GREM1: variants seen among roughly 807,000 people sequenced by gnomAD.
GREM1 encodes the protein gremlin 1, DAN family BMP antagonist, also known as gremlin-1.
A neutral mutation model predicts 13.1 loss-of-function variants in GREM1; 6 were observed. That is an observed-to-expected ratio of 0.46 (90% CI 0.25 to 0.91). The LOEUF (loss-of-function observed/expected upper bound fraction) is 0.91. Among genes scored for constraint, GREM1 ranks in the 40% least tolerant of loss-of-function variants. The pLI is 0.18. For synonymous variants in GREM1, 98 were observed against 93.7 expected, an observed-to-expected ratio of 1.05 and a Z score of -0.27; for missense variants, 185 against 233.9, an observed-to-expected ratio of 0.79 and a Z score of 1.36.
At chr15:32,718,487 C>A (rs918211278) in intron 1 of GREM1, 6 of 463,802 alleles carry the variant, frequency 1.3e-5, no homozygotes, top group African/African-American at 2.0e-5. Flanking sequence ...GCCTGGCAGA[C>A]GCGCCCGCTT....
rs1276456326 is a variant in GREM1 at position 32,741,804 on chromosome 15, G to T, written c.*10559G>T. The T allele has an allele frequency of 2.0e-5, 3 of 151,960 alleles. No individual in the cohort carries two copies. Among genetic ancestry groups the T allele is most frequent in the Admixed American group, 1.3e-4 (2 of 15,264 alleles). 9.4% of individuals were successfully genotyped at this position (151,960 alleles called of 1,614,324 possible). On this transcript the variant is annotated 3_prime_UTR_variant, in exon 2 of 2. Transcript: ENST00000651154. The stretch of plus-strand genomic sequence containing the variant: ...ATTATTCGGTATAATGTTAGTTATG[G>T]GTTTTTAAAAATATATATGACCTTT...
At position 32,739,804 on chromosome 15, in the gene GREM1, A is replaced by C. The variant is rs559130028; in HGVS notation, c.*8559A>C. The C allele has an allele frequency of 2.0e-5, 3 of 152,366 alleles. No homozygotes were observed. In the South Asian group the frequency reaches 6.2e-4, roughly 32 times the overall value. The allele number at this position is 152,366 out of a possible 1,614,324, so 9.4% of individuals were successfully genotyped here. On this transcript the variant is annotated 3_prime_UTR_variant, in exon 2 of 2. Coordinates refer to ENST00000651154, the MANE Select transcript of GREM1 (RefSeq NM_013372.7). ...CCCAGCACAGTGCCATGTAGTCAGC[A>C]AGAGACTCCCTAGCACTCAGTTTCT...
intron 1 of GREM1, chr15:32,718,435 C>T (rs1022397335): frequency 2.1e-6 from 1 of 474,576 alleles, no homozygotes; most frequent in South Asian, 1.5e-5. Context: ...TTTCCACCTC[C>T]CGGAGGCCCC....
In GREM1 at chr15:32,730,855, C is replaced by G. The variant is rs764380818; in HGVS notation, c.165C>G (p.Ser55=). 5 of 1,613,632 alleles carry G rather than the reference C, an allele frequency of 3.1e-6. No homozygotes were observed. The highest frequency in any genetic ancestry group is 1.6e-4 in the Middle Eastern group (1 of 6,062). Residue 55 remains serine (S), a synonymous_variant, in exon 2 of 2, where the codon TCC becomes TCG. Transcript: ENST00000651154. The stretch of plus-strand genomic sequence containing the variant: ...CTCAGTCGCCCCAGCAGCCTGGCTC[C>G]AGGAACCGGGGGCGGGGCCAAGGGC... ...EQTQSPQQPG[S]RNRGRGQGRG...
rs1306801061 is a variant in GREM1 at position 32,744,587 on chromosome 15, AAAAG to A, written c.*13347_*13350del. On this transcript the variant is annotated 3_prime_UTR_variant, in exon 2 of 2. Transcript: ENST00000651154. ...GACTCAGCTTCAAAAAAAAAAAAAAAAAAGAAAGTTTCAGATATTATTGTTTATT... is the reference window on the plus strand; with the variant it reads ...GACTCAGCTTCAAAAAAAAAAAAAAAAAAGTTTCAGATATTATTGTTTATT... 10 of 151,672 alleles carry A rather than the reference AAAAG, an allele frequency of 6.6e-5. No individual in the cohort carries two copies. Among genetic ancestry groups the A allele is most frequent in the Non-Finnish European group, 4.4e-5 (3 of 67,950 alleles). 9.4% of individuals were successfully genotyped at this position (151,672 alleles called of 1,614,324 possible).
Position 32,725,657 on chromosome 15 carries a change from A to T in GREM1, c.-1-5033A>T, listed in dbSNP as rs142431863. On this transcript the variant is annotated intron_variant, in intron 1 of 1. Coordinates refer to ENST00000651154, the MANE Select transcript of GREM1 (RefSeq NM_013372.7). ...TTAGTTTAATTAGATCCAATTTGTCAGTTTTGGCTTTTGTTGCCATTGCTT... is the reference window on the plus strand; with the variant it reads ...TTAGTTTAATTAGATCCAATTTGTCTGTTTTGGCTTTTGTTGCCATTGCTT... 0.018 allele frequency among the ~76,000 whole-genome samples: 2,665 copies of T among 152,224 alleles called. 154 individuals are homozygous for T. In the East Asian group the frequency reaches 0.21, roughly 12 times the overall value.
intron 1 of GREM1, among the ~76,000 whole-genome samples, chr15:32,722,598 G>A (rs2055426307): frequency 6.6e-6 from 1 of 152,202 alleles, no homozygotes; most frequent in Non-Finnish European, 1.5e-5. Context: ...TAGAGGCTTT[G>A]TGAAAATTGG....
At chr15:32,730,443 C>T (rs1179752874) in intron 1 of GREM1, among the ~76,000 whole-genome samples, 2 of 152,206 alleles carry the variant, frequency 1.3e-5, no homozygotes, top group Admixed American at 6.5e-5. Context: ...CAGAGAAGAG[C>T]TAGGCCCTGG....
In GREM1 at chr15:32,723,626, TAAA is replaced by T. The variant is rs35877271; in HGVS notation, c.-2+5478_-2+5480del. On this transcript the variant is annotated intron_variant, in intron 1 of 1. Transcript: ENST00000651154. ...ATTTTGAGGAAAATGTACTTTTCTT[TAAA>T]AAAAAAAAAAAAGCCTGTCTGTCAC... is the stretch of plus-strand genomic sequence containing the variant. 4.8e-4 allele frequency among the ~76,000 whole-genome samples: 70 copies of T among 144,400 alleles called. 1 individual carries two copies. Among genetic ancestry groups the T allele is most frequent in the African/African-American group, 1.2e-3 (49 of 39,632 alleles). The allele number at this position is 144,400 out of a possible 152,430, so 94.7% of individuals were successfully genotyped here.
rs1268488338 is a variant in GREM1, at chr15:32,734,884, A to G, written c.*3639A>G. ...GAGCTGGTCTGCAATCGGAAGTACC[A>G]GCCTCTTCCCTAGAGCACAACTAGA... On this transcript the variant is annotated 3_prime_UTR_variant, in exon 2 of 2. Transcript: ENST00000651154. The G allele has an allele frequency of 5.8e-6, 1 of 172,578 alleles. No homozygotes were observed. The highest frequency in any genetic ancestry group is 2.4e-5 in the African/African-American group (1 of 42,108). The allele number at this position is 172,578 out of a possible 1,614,324, so 10.7% of individuals were successfully genotyped here.
chr15:32,739,084 AG>A lies in GREM1; in HGVS notation c.*7840del, dbSNP rs1360254727. On this transcript the variant is annotated 3_prime_UTR_variant, in exon 2 of 2. Coordinates refer to ENST00000651154, the MANE Select transcript of GREM1 (RefSeq NM_013372.7). ...CAATTAGGCAAAAAAAGGAAAAAGA[AG>A]TCATCCAGATTAGAAAAGAAATAAA... is the stretch of plus-strand genomic sequence containing the variant. The A allele has an allele frequency of 2.0e-5, 3 of 152,250 alleles. No homozygotes were observed. The highest frequency in any genetic ancestry group is 4.4e-5 in the Non-Finnish European group (3 of 68,040). 9.4% of individuals were successfully genotyped at this position (152,250 alleles called of 1,614,324 possible).
At chr15:32,719,558 G>T (rs1244341405) in intron 1 of GREM1, among the ~76,000 whole-genome samples, 3 of 152,028 alleles carry the variant, frequency 2.0e-5, no homozygotes. Flanking sequence ...TAAACGGTCC[G>T]AGGGCAGAGA....
At chr15:32,722,482 G>A (rs1000684642) in intron 1 of GREM1, among the ~76,000 whole-genome samples, 29 of 152,228 alleles carry the variant, frequency 1.9e-4, no homozygotes, top group African/African-American at 7.0e-4. Flanking sequence ...GAAGAGGGAT[G>A]GAAAGAGCTG....
intron 1 of GREM1, among the ~76,000 whole-genome samples, chr15:32,720,512 G>A (rs1473791362): frequency 6.6e-6 from 1 of 152,154 alleles, no homozygotes; most frequent in Non-Finnish European, 1.5e-5. Context: ...TTATGTAAAG[G>A]AAAGGCAGGT....
At position 32,738,082 on chromosome 15, in the gene GREM1, GCAAAA is replaced by G. The variant is rs1567117403; in HGVS notation, c.*6838_*6842del. ...TGGAGGTTCTACCTAGGGTAATTAG[GCAAAA>G]AAAAAAAAAAAAAAAAAAAAAAAAA... On this transcript the variant is annotated 3_prime_UTR_variant, in exon 2 of 2. Coordinates refer to ENST00000651154, the MANE Select transcript of GREM1 (RefSeq NM_013372.7). 45 of 15,792 alleles carry G rather than the reference GCAAAA, an allele frequency of 2.8e-3. 2 individuals are homozygous for G. Among genetic ancestry groups the G allele is most frequent in the African/African-American group, 8.4e-3 (41 of 4,882 alleles). The allele number at this position is 15,792 out of a possible 1,614,324, so 1.0% of individuals were successfully genotyped here.
intron 1 of GREM1, among the ~76,000 whole-genome samples, chr15:32,725,775 AC>A (rs2055491485): frequency 6.6e-6 from 1 of 152,190 alleles, no homozygotes; most frequent in Non-Finnish European, 1.5e-5. Flanking sequence ...TTTAGGTCTT[AC>A]ATTTAAGTCT....
chr15:32,719,576 A>G (rs2055369958), intron 1 of GREM1, among the ~76,000 whole-genome samples: 1 of 152,130 alleles, frequency 6.6e-6, no homozygotes, highest in Non-Finnish European at 1.5e-5. Flanking sequence ...AGAGGTGACC[A>G]CCGATAGGTA....
At position 32,728,795 on chromosome 15, in the gene GREM1, A is replaced by G. The variant is rs572976935; in HGVS notation, c.-1-1895A>G. Among the ~76,000 whole-genome samples, 134 of 152,300 alleles carry G rather than the reference A, an allele frequency of 8.8e-4. 1 individual carries two copies. The highest frequency in any genetic ancestry group is 3.7e-3 in the Admixed American group (56 of 15,296). On this transcript the variant is annotated intron_variant, in intron 1 of 1. Coordinates refer to ENST00000651154, the MANE Select transcript of GREM1 (RefSeq NM_013372.7). Reference sequence around the variant, plus strand: ...TGGGACAGGAGAACCTTCAGGATTCAGGTCCGATTGTTGTGATGGCCGCAG... The same window carrying G: ...TGGGACAGGAGAACCTTCAGGATTCGGGTCCGATTGTTGTGATGGCCGCAG...
rs1261697233 is a variant in GREM1 at position 32,734,999 on chromosome 15, G to C, written c.*3754G>C. The C allele has an allele frequency of 5.9e-5, 9 of 152,900 alleles. No homozygotes were observed. The highest frequency in any genetic ancestry group is 1.3e-4 in the Non-Finnish European group (9 of 68,440). 9.5% of individuals were successfully genotyped at this position (152,900 alleles called of 1,614,324 possible). On this transcript the variant is annotated 3_prime_UTR_variant, in exon 2 of 2. Coordinates refer to ENST00000651154, the MANE Select transcript of GREM1 (RefSeq NM_013372.7). ...AATATCTTCATTTCAGGGTGTTCCAGGGGAAAAGCAGGAGAAAGATTTGGG... is the reference window on the plus strand; with the variant it reads ...AATATCTTCATTTCAGGGTGTTCCACGGGAAAAGCAGGAGAAAGATTTGGG...
Sources: allele counts gnomAD v4.1 joint callset (sites outside exome capture counted in the v4.1 genomes callset), GRCh38; gene constraint gnomAD v4.1.1; transcripts MANE v1.5; gene names NCBI Gene and HGNC (gene_info 2026-07-23, HGNC 2026-07-21).